Variants in KCNMB2 observed in about 807,000 individuals in gnomAD.
The protein encoded by KCNMB2 is calcium-activated potassium channel subunit beta-2.
A neutral mutation model predicts 24.5 loss-of-function variants in KCNMB2; 9 were observed. The observed-to-expected ratio is 0.37, with a 90% confidence interval of 0.22 to 0.64. The LOEUF is 0.64. Among genes scored for constraint, KCNMB2 ranks in the 30% least tolerant of loss-of-function variants. The pLI, the probability that KCNMB2 is intolerant of heterozygous loss-of-function variation, is 0.63. For missense variants in KCNMB2, 226 were observed against 284.3 expected, an observed-to-expected ratio of 0.79 and a Z score of 1.47; for synonymous variants, 109 against 104.4, an observed-to-expected ratio of 1.04 and a Z score of -0.27.
At chr3:178,749,771 G>T (rs553766105) in intron 1 of KCNMB2, among the ~76,000 whole-genome samples, 1 of 152,344 alleles carries the variant, frequency 6.6e-6, no homozygotes, top group East Asian at 1.9e-4. Context: ...TCAAGTGTTA[G>T]CAAGGGGTAA....
intron 1 of KCNMB2, among the ~76,000 whole-genome samples, chr3:178,583,167 C>A (rs569433502): frequency 6.6e-6 from 1 of 152,184 alleles, no homozygotes; most frequent in East Asian, 1.9e-4. Context: ...GATGAAATGG[C>A]TACCTAGATT....
At chr3:178,750,136 G>C (rs941721551) in intron 1 of KCNMB2, among the ~76,000 whole-genome samples, 3 of 151,564 alleles carry the variant, frequency 2.0e-5, no homozygotes, top group Non-Finnish European at 2.9e-5. Context: ...AAGTCACTTG[G>C]AAAAGAAGTC....
At chr3:178,649,713 A>G (rs1016747662) in intron 1 of KCNMB2, among the ~76,000 whole-genome samples, 5 of 151,882 alleles carry the variant, frequency 3.3e-5, no homozygotes, top group Non-Finnish European at 7.4e-5. Context: ...ATCAGTGATG[A>G]TATCCCCTTT....
intron 1 of KCNMB2, among the ~76,000 whole-genome samples, chr3:178,626,860 A>G (rs146106833): frequency 2.3e-3 from 340 of 149,298 alleles, no homozygotes; most frequent in Non-Finnish European, 4.0e-3. Context: ...TAACTTATAT[A>G]GAGAGAATAA....
intron 1 of KCNMB2, among the ~76,000 whole-genome samples, chr3:178,722,214 G>A (rs1019635016): frequency 6.6e-6 from 1 of 152,080 alleles, no homozygotes; most frequent in East Asian, 1.9e-4. Context: ...TAATAAGGGG[G>A]TATGAGGTTT....
chr3:178,745,406 G>A (rs148788275), intron 1 of KCNMB2, among the ~76,000 whole-genome samples: 3,932 of 152,070 alleles, frequency 0.026, 77 homozygotes, highest in Middle Eastern at 0.061. Context: ...GGAAAGACCC[G>A]CCCCCATGAT....
chr3:178,773,129 C>A (rs1039619920), intron 1 of KCNMB2, among the ~76,000 whole-genome samples: 1 of 152,100 alleles, frequency 6.6e-6, no homozygotes, highest in Non-Finnish European at 1.5e-5. Flanking sequence ...AGGCTGTTCC[C>A]GGATCACACA....
chr3:178,575,481 A>G (rs1716957327), intron 1 of KCNMB2, among the ~76,000 whole-genome samples: 1 of 152,252 alleles, frequency 6.6e-6, no homozygotes, highest in African/African-American at 2.4e-5. Context: ...AGCACAAATC[A>G]AAGAAAATAA....
chr3:178,581,785 A>T (rs916834945), intron 1 of KCNMB2, among the ~76,000 whole-genome samples: 9 of 152,246 alleles, frequency 5.9e-5, no homozygotes, highest in African/African-American at 9.6e-5. Flanking sequence ...ATCAGTGATC[A>T]TTAGAGAAAT....
chr3:178,603,130 G>A (rs1317805621), intron 1 of KCNMB2, among the ~76,000 whole-genome samples: 1 of 152,120 alleles, frequency 6.6e-6, no homozygotes, highest in Non-Finnish European at 1.5e-5. Flanking sequence ...GAAGGATTAT[G>A]TTACTCCCTG....
intron 1 of KCNMB2, among the ~76,000 whole-genome samples, chr3:178,727,090 T>C (rs1285617387): frequency 6.6e-6 from 1 of 152,152 alleles, no homozygotes; most frequent in African/African-American, 2.4e-5. Flanking sequence ...GCAAAACTCT[T>C]GCTATTTAGG....
At chr3:178,818,543 C>A (rs577423875) in intron 2 of KCNMB2, among the ~76,000 whole-genome samples, 1 of 152,112 alleles carries the variant, frequency 6.6e-6, no homozygotes, top group Admixed American at 6.5e-5. Flanking sequence ...TCTGTTTCTG[C>A]GTTAGTTTGC....
At chr3:178,620,640 T>C (rs553137017) in intron 1 of KCNMB2, among the ~76,000 whole-genome samples, 1 of 152,304 alleles carries the variant, frequency 6.6e-6, no homozygotes, top group South Asian at 2.1e-4. Flanking sequence ...CTTACCAGGT[T>C]CCCACCTCTT....
At chr3:178,826,726 C>T (rs1714847834) in intron 3 of KCNMB2, among the ~76,000 whole-genome samples, 2 of 152,212 alleles carry the variant, frequency 1.3e-5, no homozygotes, top group Admixed American at 1.3e-4. Context: ...GTTTCTCCAT[C>T]TAAATTAATA....
At chr3:178,660,608 G>A (rs1371354271) in intron 1 of KCNMB2, among the ~76,000 whole-genome samples, 1 of 152,100 alleles carries the variant, frequency 6.6e-6, no homozygotes, top group Non-Finnish European at 1.5e-5. Context: ...TCTGTGGCAG[G>A]TTATATGTTA....
At chr3:178,578,442 C>T (rs781421618) in intron 1 of KCNMB2, among the ~76,000 whole-genome samples, 6 of 152,134 alleles carry the variant, frequency 3.9e-5, no homozygotes, top group Admixed American at 2.6e-4. Context: ...TTGTAAAGAC[C>T]ATTGACACTA....
intron 1 of KCNMB2, among the ~76,000 whole-genome samples, chr3:178,671,989 A>G (rs1720915970): frequency 6.6e-6 from 1 of 152,142 alleles, no homozygotes; most frequent in Admixed American, 6.5e-5. Flanking sequence ...AATCTTTTCT[A>G]GTAATAACAT....
chr3:178,815,817 A>C (rs1714384330), intron 2 of KCNMB2, among the ~76,000 whole-genome samples: 1 of 152,082 alleles, frequency 6.6e-6, no homozygotes, highest in African/African-American at 2.4e-5. Flanking sequence ...TATATTATTT[A>C]TGTAATAGAT....
intron 1 of KCNMB2, among the ~76,000 whole-genome samples, chr3:178,660,496 C>G (rs1720488470): frequency 6.6e-6 from 1 of 152,146 alleles, no homozygotes. Flanking sequence ...CCACTTGACC[C>G]TGAGCATCAC....
Sources: gnomAD v4.1 joint callset for allele counts (sites outside exome capture counted in the v4.1 genomes callset) on GRCh38, gnomAD v4.1.1 for gene constraint, MANE v1.5 for transcripts, NCBI Gene and HGNC (gene_info 2026-07-23, HGNC 2026-07-21) for gene names.